NAALADL2: variants seen among roughly 807,000 people sequenced by gnomAD.
The protein encoded by NAALADL2 is inactive N-acetylated-alpha-linked acidic dipeptidase-like protein 2.
Under a neutral mutation model 87.2 loss-of-function variants are expected in NAALADL2, and 76 were observed. The ratio of observed to expected loss-of-function variants is 0.87; its 90% confidence interval spans 0.72 to 1.05. The LOEUF (loss-of-function observed/expected upper bound fraction) is 1.05. Ranked by LOEUF, NAALADL2 falls within the 50% of genes least tolerant of loss-of-function variation. The pLI is 0.00. For missense variants in NAALADL2, 1,089 were observed against 945.8 expected (o/e 1.15, Z -1.99); for synonymous variants, 354 against 331.0 (o/e 1.07, Z -0.75).
At chr3:175,069,048 A>G (rs1024846677) in intron 1 of NAALADL2, among the ~76,000 whole-genome samples, 1 of 151,950 alleles carries the variant, frequency 6.6e-6, no homozygotes, top group African/African-American at 2.4e-5. Flanking sequence ...GACCTAAAAC[A>G]ATAAAAACCC....
chr3:174,950,325 A>G (rs74517328), intron 1 of NAALADL2, among the ~76,000 whole-genome samples: 10,703 of 152,122 alleles, frequency 0.07, 587 homozygotes, highest in African/African-American at 0.15. Flanking sequence ...AATACCTGGT[A>G]TATCTTGAGA....
At chr3:174,761,049 A>G (rs1712875517) in intron 3 of NAALADL2, among the ~76,000 whole-genome samples, 1 of 152,224 alleles carries the variant, frequency 6.6e-6, no homozygotes, top group Admixed American at 6.5e-5. Context: ...TTGCAACCTC[A>G]GATCCAAAAT....
chr3:175,085,051 A>T (rs546709080), intron 1 of NAALADL2, among the ~76,000 whole-genome samples: 6 of 152,208 alleles, frequency 3.9e-5, no homozygotes, highest in African/African-American at 1.4e-4. Flanking sequence ...TTAGGGCTTG[A>T]TTTTGGGGAA....
intron 1 of NAALADL2, among the ~76,000 whole-genome samples, chr3:174,884,961 G>T (rs1006261571): frequency 5.3e-5 from 8 of 152,076 alleles, no homozygotes. Context: ...GGCCATCACT[G>T]TTGTCTCAGG....
chr3:175,720,770 C>A (rs1742128674), intron 11 of NAALADL2, among the ~76,000 whole-genome samples: 1 of 151,960 alleles, frequency 6.6e-6, no homozygotes. Flanking sequence ...GAAATAACTT[C>A]AAAATGTTAA....
At chr3:175,087,809 C>A (rs902942021) in intron 1 of NAALADL2, among the ~76,000 whole-genome samples, 1 of 151,746 alleles carries the variant, frequency 6.6e-6, no homozygotes, top group Non-Finnish European at 1.5e-5. Context: ...AAACCAGAGA[C>A]CCTTGTTCAC....
chr3:175,063,916 A>G (rs1032976707), intron 1 of NAALADL2, among the ~76,000 whole-genome samples: 5 of 152,218 alleles, frequency 3.3e-5, no homozygotes, highest in Admixed American at 6.5e-5. Flanking sequence ...TATTTAACTA[A>G]TAAGTGATAC....
At chr3:175,109,997 A>C (rs1723903659) in intron 2 of NAALADL2, among the ~76,000 whole-genome samples, 1 of 151,774 alleles carries the variant, frequency 6.6e-6, no homozygotes, top group South Asian at 2.1e-4. Context: ...CTCTCTTTAA[A>C]AATATTGAAA....
intron 2 of NAALADL2, among the ~76,000 whole-genome samples, chr3:174,688,320 C>T (rs959351481): frequency 3.3e-5 from 5 of 151,868 alleles, no homozygotes; most frequent in Non-Finnish European, 7.4e-5. Flanking sequence ...AAGCAGTTAC[C>T]TGATATACAA....
chr3:174,543,525 A>C (rs942145587), intron 1 of NAALADL2, among the ~76,000 whole-genome samples: 1 of 152,032 alleles, frequency 6.6e-6, no homozygotes, highest in Admixed American at 6.6e-5. Context: ...TTTATAGTCT[A>C]TGTCGTTTCT....
chr3:175,324,095 T>A, intron 4 of NAALADL2, 80 bp from the exon 5 acceptor site: 2 of 999,046 alleles, frequency 2.0e-6, no homozygotes, highest in Non-Finnish European at 3.0e-6. Context: ...CATCTTATCA[T>A]AGCCACATTG....
chr3:174,878,260 T>G (rs575601825), intron 1 of NAALADL2, among the ~76,000 whole-genome samples: 8 of 152,238 alleles, frequency 5.3e-5, no homozygotes, highest in African/African-American at 1.9e-4. Context: ...AGTTATTGAT[T>G]GTCAAATTGA....
chr3:175,654,528 A>G (rs1376839438), intron 11 of NAALADL2, among the ~76,000 whole-genome samples: 2 of 152,210 alleles, frequency 1.3e-5, no homozygotes, highest in Non-Finnish European at 2.9e-5. Flanking sequence ...CTCAAATCAT[A>G]TTAGTCTATA....
At chr3:174,552,285 G>A (rs1162356394) in intron 2 of NAALADL2, among the ~76,000 whole-genome samples, 1 of 152,124 alleles carries the variant, frequency 6.6e-6, no homozygotes, top group Non-Finnish European at 1.5e-5. Context: ...AATGCTCAGG[G>A]AGATTAATTG....
intron 3 of NAALADL2, among the ~76,000 whole-genome samples, chr3:174,740,545 A>G (rs1318939859): frequency 6.6e-6 from 1 of 151,940 alleles, no homozygotes; most frequent in Non-Finnish European, 1.5e-5. Context: ...TGGCTTTAAG[A>G]GTACTATAGC....
intron 2 of NAALADL2, among the ~76,000 whole-genome samples, chr3:174,558,382 T>C (rs1458731633): frequency 6.6e-6 from 1 of 152,144 alleles, no homozygotes; most frequent in Non-Finnish European, 1.5e-5. Flanking sequence ...TTCAAGTGCA[T>C]TCCTATTATT....
At chr3:174,653,134 T>A (rs1724547297) in intron 2 of NAALADL2, among the ~76,000 whole-genome samples, 2 of 152,182 alleles carry the variant, frequency 1.3e-5, no homozygotes, top group Admixed American at 1.3e-4. Context: ...TCTGAAAGAC[T>A]GGCAGTATCT....
At chr3:175,250,814 G>A (rs1273778588) in intron 3 of NAALADL2, among the ~76,000 whole-genome samples, 6 of 152,204 alleles carry the variant, frequency 3.9e-5, no homozygotes, top group African/African-American at 1.4e-4. Flanking sequence ...CATAATAGGA[G>A]CTCACTAAAT....
chr3:175,455,593 T>G (rs1279189240), intron 6 of NAALADL2, among the ~76,000 whole-genome samples: 7 of 152,128 alleles, frequency 4.6e-5, no homozygotes, highest in Non-Finnish European at 1.0e-4. Flanking sequence ...TCCAAAAGTA[T>G]GCAAGCTCAC....
Sources: allele counts gnomAD v4.1 joint callset (sites outside exome capture counted in the v4.1 genomes callset), GRCh38; gene constraint gnomAD v4.1.1; transcripts MANE v1.5; gene names NCBI Gene and HGNC (gene_info 2026-07-23, HGNC 2026-07-21).